TENM2: variants seen among roughly 807,000 people sequenced by gnomAD.
The protein encoded by TENM2 is teneurin transmembrane protein 2, also known as teneurin-2.
TENM2 carries 52 observed loss-of-function variants against 245.2 expected under a neutral mutation model. The observed-to-expected ratio is 0.21, with a 90% CI of 0.17 to 0.27. TENM2 has a LOEUF of 0.27. Ranked by LOEUF, TENM2 falls within the 10% of genes least tolerant of loss-of-function variation. TENM2 has a pLI of 1.00. For missense variants in TENM2, 3,046 were observed against 3,666.8 expected, an observed-to-expected ratio of 0.83 and a Z score of 4.37; for synonymous variants, 1,363 against 1,438.9, an observed-to-expected ratio of 0.95 and a Z score of 1.19.
At chr5:167,333,080 A>G (rs1460527842) in intron 1 of TENM2, among the ~76,000 whole-genome samples, 1 of 152,256 alleles carries the variant, frequency 6.6e-6, no homozygotes, top group Non-Finnish European at 1.5e-5. Context: ...AAATGAATTC[A>G]TAAGCCATCA....
intron 13 of TENM2, among the ~76,000 whole-genome samples, chr5:168,182,661 T>A (rs1404917968): frequency 1.3e-5 from 2 of 152,100 alleles, no homozygotes; most frequent in African/African-American, 4.8e-5. Context: ...AAGCATTGCA[T>A]CTCAGCGGGC....
intron 2 of TENM2, among the ~76,000 whole-genome samples, chr5:167,696,338 TC>T (rs1483220868): frequency 5.3e-5 from 8 of 152,224 alleles, no homozygotes; most frequent in African/African-American, 1.9e-4. Flanking sequence ...TCTGATACTT[TC>T]ATCAAAGCCA....
Position 168,247,875 on chromosome 5 carries a change from G to A in TENM2, c.6936G>A (p.Lys2312=). 6.2e-7 allele frequency: 1 copy of A among 1,613,902 alleles called. No homozygotes were observed. The highest frequency in any genetic ancestry group is 1.1e-5 in the South Asian group (1 of 91,080). ...GCGTAGGACGGCGGGCTTCCTACAA[G>A]ACCAACCTGGGCCACCACCTGCAGT... Residue 2312 remains lysine, a synonymous_variant, in exon 27 of 29, where the codon AAG becomes AAA. Transcript: ENST00000518659. This position sits in a 1 kb window ranked among gnomAD's most constrained non-coding sequence, Gnocchi z 7.8.
chr5:167,318,789 T>C (rs1756536975), intron 1 of TENM2, among the ~76,000 whole-genome samples: 1 of 152,196 alleles, frequency 6.6e-6, no homozygotes, highest in Non-Finnish European at 1.5e-5. Context: ...CTCCTGGTGT[T>C]CCCAACAGCT....
chr5:167,319,436 A>G (rs1756584555), intron 1 of TENM2, among the ~76,000 whole-genome samples: 1 of 152,190 alleles, frequency 6.6e-6, no homozygotes, highest in African/African-American at 2.4e-5. Context: ...GACAGTGTTA[A>G]CAATGATCAT....
chr5:167,376,357 C>A (rs542650258), intron 2 of TENM2, among the ~76,000 whole-genome samples: 1 of 152,106 alleles, frequency 6.6e-6, no homozygotes, highest in African/African-American at 2.4e-5. Flanking sequence ...AAAGAATTAC[C>A]ATTACCATTA....
At chr5:167,308,757 G>C (rs1755835327) in intron 1 of TENM2, among the ~76,000 whole-genome samples, 1 of 152,170 alleles carries the variant, frequency 6.6e-6, no homozygotes, top group African/African-American at 2.4e-5. Flanking sequence ...TGCTCGTGGT[G>C]TTCTCTCTCT....
intron 2 of TENM2, among the ~76,000 whole-genome samples, chr5:167,771,239 G>T (rs1214473362): frequency 1.4e-4 from 21 of 152,060 alleles, no homozygotes; most frequent in Admixed American, 1.4e-3. Context: ...CTTGGTAATT[G>T]CTGCAGAAAG....
At chr5:167,602,244 T>C (rs527766208) in intron 2 of TENM2, among the ~76,000 whole-genome samples, 1 of 152,282 alleles carries the variant, frequency 6.6e-6, no homozygotes, top group East Asian at 1.9e-4. Context: ...TCTCATCTAT[T>C]TCTCGCCAAA....
At chr5:168,228,560 C>CTAAG (rs1461687462) in intron 25 of TENM2, among the ~76,000 whole-genome samples, 2 of 80,368 alleles carry the variant, frequency 2.5e-5, no homozygotes, top group African/African-American at 1.8e-4. Context: ...GAGTAATTTG[C>CTAAG]TAAGTGCTGG....
chr5:167,694,393 T>C (rs1051362613), intron 2 of TENM2, among the ~76,000 whole-genome samples: 1 of 152,206 alleles, frequency 6.6e-6, no homozygotes, highest in African/African-American at 2.4e-5. Context: ...TGAACCAATA[T>C]TTAAAATAGC....
Position 168,090,368 on chromosome 5 carries a change from G to A in TENM2, c.1516-206G>A, listed in dbSNP as rs189609987. Reference sequence around the variant, plus strand: ...GCCTAGAGTAATAAAAGTATTAATAGTAGCAATAATTATAAAGCATAATAA... The same window carrying A: ...GCCTAGAGTAATAAAAGTATTAATAATAGCAATAATTATAAAGCATAATAA... On this transcript the variant is annotated intron_variant, in intron 7 of 28. Coordinates refer to ENST00000518659, the Ensembl canonical transcript of TENM2. 7.1e-3 allele frequency among the ~76,000 whole-genome samples: 1,087 copies of A among 152,178 alleles called. 6 individuals are homozygous for A. The highest frequency in any genetic ancestry group is 0.011 in the Non-Finnish European group (742 of 68,022).
chr5:167,809,809 G>A (rs1272860030), intron 2 of TENM2, among the ~76,000 whole-genome samples: 3 of 151,912 alleles, frequency 2.0e-5, no homozygotes, highest in Admixed American at 6.6e-5. Context: ...ATGTAGTTTG[G>A]GGAATTAAAT....
chr5:166,991,195 C>A, the TENM2 span, among the ~76,000 whole-genome samples: 1 of 146,196 alleles, frequency 6.8e-6, no homozygotes, highest in Non-Finnish European at 1.5e-5. Flanking sequence ...TCCAAATCTT[C>A]CTTTTCTGAC....
chr5:167,013,993 G>A, the TENM2 span, among the ~76,000 whole-genome samples: 10 of 152,162 alleles, frequency 6.6e-5, no homozygotes, highest in Non-Finnish European at 1.5e-4. Flanking sequence ...CATCAATGAA[G>A]CCTGAAGTAG....
intron 3 of TENM2, among the ~76,000 whole-genome samples, chr5:167,907,483 G>C (rs1225088814): frequency 1.5e-5 from 2 of 137,496 alleles, no homozygotes; most frequent in Non-Finnish European, 3.1e-5. Flanking sequence ...TCTTGATCAA[G>C]ATGGCCTTTC....
At chr5:167,737,240 C>T (rs1172592612) in intron 2 of TENM2, among the ~76,000 whole-genome samples, 1 of 152,190 alleles carries the variant, frequency 6.6e-6, no homozygotes, top group Admixed American at 6.5e-5. Context: ...CCGTGAGCTC[C>T]TGCAAATGTT....
At chr5:167,046,574 T>C in the TENM2 span, among the ~76,000 whole-genome samples, 1 of 152,196 alleles carries the variant, frequency 6.6e-6, no homozygotes, top group Admixed American at 6.5e-5. Flanking sequence ...ATACATTTTC[T>C]CACTACCAGC....
chr5:167,895,470 A>G (rs1032635674), intron 3 of TENM2, among the ~76,000 whole-genome samples: 10 of 152,262 alleles, frequency 6.6e-5, no homozygotes, highest in Admixed American at 6.5e-4. Context: ...GCATGTAACC[A>G]TCAAATCAAG....
Sources: allele counts gnomAD v4.1 joint callset (sites outside exome capture counted in the v4.1 genomes callset), GRCh38; gene constraint gnomAD v4.1.1; non-coding constraint Gnocchi (gnomAD v3.1); transcripts MANE v1.5; gene names NCBI Gene and HGNC (gene_info 2026-07-23, HGNC 2026-07-21).